The following CHN1 variants were observed in gnomAD, a reference collection of about 807,000 sequenced individuals.
CHN1 encodes chimerin 1.
CHN1 carries 37 observed loss-of-function variants against 59.5 expected under a neutral mutation model. The ratio of observed to expected loss-of-function variants is 0.62; its 90% confidence interval spans 0.48 to 0.82. The LOEUF (loss-of-function observed/expected upper bound fraction) is 0.82, where lower values mean the gene tolerates loss of function less well. Among genes scored for constraint, CHN1 ranks in the 40% least tolerant of loss-of-function variants. The probability of loss-of-function intolerance (pLI) is 0.00; values close to 1 mark genes in which losing one functional copy is unlikely to be tolerated. For missense variants in CHN1, 469 were observed against 571.0 expected (o/e 0.82, Z 1.82); for synonymous variants, 206 against 200.4 (o/e 1.03, Z -0.24).
chr2:175,005,097 T>C lies in CHN1; in HGVS notation c.-185A>G. 3 of 1,329,646 alleles carry C rather than the reference T, an allele frequency of 2.3e-6. No individual in the cohort carries two copies. The highest frequency in any genetic ancestry group is 2.9e-6 in the Non-Finnish European group (3 of 1,038,680). The allele number at this position is 1,329,646 out of a possible 1,614,324, so 82.4% of individuals were successfully genotyped here. On this transcript the variant is annotated 5_prime_UTR_variant, in exon 1 of 13. Transcript: ENST00000409900. The stretch of plus-strand genomic sequence containing the variant: ...GGGGGACCGCTGCAAGAAAAAGTTA[T>C]TCACGCGTTATTGTCGGGCGCACCG...
chr2:174,982,874 C>T (rs1427477479), intron 1 of CHN1, among the ~76,000 whole-genome samples: 1 of 152,112 alleles, frequency 6.6e-6, no homozygotes, highest in Non-Finnish European at 1.5e-5. Context: ...TTTTCCCTCA[C>T]ATGTACAGCC....
chr2:174,957,905 C>T (rs1162478865), intron 1 of CHN1, among the ~76,000 whole-genome samples: 2 of 152,164 alleles, frequency 1.3e-5, no homozygotes, highest in Non-Finnish European at 2.9e-5. Context: ...ACCACATGGA[C>T]AGTCAATCAA....
At chr2:174,875,961 G>T (rs1687551145) in intron 6 of CHN1, 1 of 327,274 alleles carries the variant, frequency 3.1e-6, no homozygotes, top group Non-Finnish European at 4.4e-6. Context: ...TTTTAAAAAT[G>T]ATTCTTAATT....
chr2:174,807,712 T>C (rs1028633224), intron 11 of CHN1, among the ~76,000 whole-genome samples: 1 of 152,122 alleles, frequency 6.6e-6, no homozygotes, highest in Admixed American at 6.6e-5. Context: ...ACATGGGAGC[T>C]TGAGCTGACC....
chr2:174,951,668 G>A (rs371619222), intron 2 of CHN1, among the ~76,000 whole-genome samples: 11 of 152,134 alleles, frequency 7.2e-5, no homozygotes, highest in Admixed American at 5.2e-4. Context: ...ATATCCTAAC[G>A]CAGTTTAAAG....
At chr2:174,832,459 T>C (rs549874217) in intron 7 of CHN1, among the ~76,000 whole-genome samples, 1 of 152,242 alleles carries the variant, frequency 6.6e-6, no homozygotes, top group Non-Finnish European at 1.5e-5. Context: ...ATAAATTTCC[T>C]GATAAGTACT....
intron 7 of CHN1, among the ~76,000 whole-genome samples, chr2:174,836,107 T>C (rs1686068357): frequency 6.6e-6 from 1 of 152,092 alleles, no homozygotes; most frequent in African/African-American, 2.4e-5. Flanking sequence ...CACCCTAATC[T>C]CTTTGTCCTT....
At chr2:174,849,200 T>C (rs1163183903) in intron 6 of CHN1, among the ~76,000 whole-genome samples, 2 of 152,200 alleles carry the variant, frequency 1.3e-5, no homozygotes, top group East Asian at 1.9e-4. Context: ...TCTACAGCTA[T>C]AGTTACTAAA....
chr2:174,865,438 A>G (rs1400563317), intron 6 of CHN1, among the ~76,000 whole-genome samples: 1 of 152,182 alleles, frequency 6.6e-6, no homozygotes, highest in Admixed American at 6.5e-5. Flanking sequence ...AGGATGCACT[A>G]TTAAGACAGC....
intron 3 of CHN1, among the ~76,000 whole-genome samples, chr2:174,923,250 C>A (rs998414753): frequency 1.3e-5 from 2 of 152,032 alleles, no homozygotes; most frequent in African/African-American, 4.8e-5. Flanking sequence ...ACGCCATTCT[C>A]CTGCCTCAGC....
intron 6 of CHN1, among the ~76,000 whole-genome samples, chr2:174,860,427 G>C (rs1687033377): frequency 6.6e-6 from 1 of 152,042 alleles, no homozygotes; most frequent in Non-Finnish European, 1.5e-5. Flanking sequence ...TTGGGTGCTA[G>C]ACATATGGCC....
intron 3 of CHN1, among the ~76,000 whole-genome samples, chr2:174,930,098 C>A (rs571996060): frequency 6.6e-6 from 1 of 152,154 alleles, no homozygotes; most frequent in Non-Finnish European, 1.5e-5. Context: ...TGACCCATGA[C>A]GAGGTGTCAC....
intron 1 of CHN1, among the ~76,000 whole-genome samples, chr2:174,965,449 G>C (rs1690564124): frequency 6.6e-6 from 1 of 152,014 alleles, no homozygotes; most frequent in Non-Finnish European, 1.5e-5. Context: ...AATTTAAGCT[G>C]TTTATTTTTT....
At chr2:174,802,444 T>G (rs1684755744) in intron 11 of CHN1, among the ~76,000 whole-genome samples, 1 of 152,250 alleles carries the variant, frequency 6.6e-6, no homozygotes, top group South Asian at 2.1e-4. Flanking sequence ...GACTCAGACA[T>G]TCAGAAGAAT....
At position 174,877,960 on chromosome 2, in the gene CHN1, A is replaced by G; in HGVS notation, c.429T>C (p.Tyr143=). The G allele has an allele frequency of 6.2e-7, 1 of 1,613,876 alleles. No individual in the cohort carries two copies. The highest frequency in any genetic ancestry group is 1.3e-5 in the African/African-American group (1 of 75,016). The change falls in exon 6 of 13, where the codon TAT becomes TAC. Residue 143 remains tyrosine (Y), a synonymous_variant. Transcript: ENST00000409900. The part of the protein sequence containing the change: ...YIAKMTINPI[Y]EHVGYTTLNR... ...TTAAGGTTGTGTATCCTACGTGCTC[A>G]TAAATTGGGTTTATCGTCATCTTGG...
chr2:174,802,459 G>A (rs927478674), intron 11 of CHN1, among the ~76,000 whole-genome samples: 6 of 152,154 alleles, frequency 3.9e-5, no homozygotes, highest in Non-Finnish European at 7.3e-5. Context: ...AAGAATGCAC[G>A]GCAGACTTTG....
chr2:174,834,158 T>A (rs566203382), intron 7 of CHN1, among the ~76,000 whole-genome samples: 1 of 152,320 alleles, frequency 6.6e-6, no homozygotes, highest in Non-Finnish European at 1.5e-5. Context: ...TACCACTTTA[T>A]GTAATGCCCA....
At chr2:174,970,225 A>T (rs990012284) in intron 1 of CHN1, among the ~76,000 whole-genome samples, 2 of 152,248 alleles carry the variant, frequency 1.3e-5, no homozygotes, top group African/African-American at 4.8e-5. Flanking sequence ...TATACCAAGT[A>T]TGATGGTTGT....
chr2:174,946,900 TAAAA>T lies in CHN1; in HGVS notation c.59-1961_59-1958del, dbSNP rs34155510. ...AGCGAGACCCTGTCTCTAAAAAATG[TAAAA>T]AAAAAAAAAAAAAAAAAAAAAATTC... On this transcript the variant is annotated intron_variant, in intron 2 of 12. Transcript: ENST00000409900. Among the ~76,000 whole-genome samples, 470 of 100,196 alleles carry T rather than the reference TAAAA, an allele frequency of 4.7e-3. 5 individuals are homozygous for T. Among genetic ancestry groups the T allele is most frequent in the African/African-American group, 0.017 (448 of 26,496 alleles). The allele number at this position is 100,196 out of a possible 152,430, so 65.7% of individuals were successfully genotyped here. A position where few individuals can be genotyped will look rare whatever the true frequency, so the allele number is the denominator to read the frequency against.
Sources: gnomAD v4.1 joint callset for allele counts (sites outside exome capture counted in the v4.1 genomes callset) on GRCh38, gnomAD v4.1.1 for gene constraint, MANE v1.5 for transcripts, NCBI Gene and HGNC (gene_info 2026-07-23, HGNC 2026-07-21) for gene names.